Variants in PARD3B observed in about 807,000 individuals in gnomAD.
PARD3B encodes partitioning defective 3 homolog B.
Under a neutral mutation model 130.2 loss-of-function variants are expected in PARD3B, and 103 were observed. The observed-to-expected ratio is 0.79, with a 90% CI of 0.67 to 0.93. PARD3B has a LOEUF of 0.93. Ranked by LOEUF, PARD3B falls within the 40% of genes least tolerant of loss-of-function variation. The pLI is 0.00. For synonymous variants in PARD3B, 583 were observed against 553.2 expected (o/e 1.05, Z -0.76); for missense variants, 1,609 against 1,499.2 (o/e 1.07, Z -1.21).
chr2:205,147,008 G>A (rs2033415200), intron 10 of PARD3B, among the ~76,000 whole-genome samples: 2 of 152,126 alleles, frequency 1.3e-5, no homozygotes, highest in African/African-American at 4.8e-5. Flanking sequence ...GAGCCACCGT[G>A]CCTGGCCACA....
intron 18 of PARD3B, among the ~76,000 whole-genome samples, chr2:205,326,307 A>G (rs928256688): frequency 2.0e-5 from 3 of 152,218 alleles, no homozygotes. Context: ...CTTAGACACA[A>G]CTTTCTCAAC....
At chr2:205,201,233 C>T (rs1467491263) in intron 15 of PARD3B, among the ~76,000 whole-genome samples, 1 of 152,098 alleles carries the variant, frequency 6.6e-6, no homozygotes, top group Non-Finnish European at 1.5e-5. Flanking sequence ...TATTGAAAGA[C>T]TCACATATGT....
intron 2 of PARD3B, among the ~76,000 whole-genome samples, chr2:204,787,266 T>C (rs558985479): frequency 6.6e-6 from 1 of 150,436 alleles, no homozygotes; most frequent in South Asian, 2.1e-4. Context: ...GTACCTGATA[T>C]TCTGTTTCAT....
chr2:205,485,994 A>G (rs966245850), intron 20 of PARD3B, among the ~76,000 whole-genome samples: 7 of 152,108 alleles, frequency 4.6e-5, no homozygotes, highest in Non-Finnish European at 7.4e-5. Flanking sequence ...CCCCAACTAG[A>G]CTGTGAAATC....
chr2:205,245,548 G>T (rs1431903734), intron 15 of PARD3B, among the ~76,000 whole-genome samples: 1 of 152,102 alleles, frequency 6.6e-6, no homozygotes, highest in African/African-American at 2.4e-5. Flanking sequence ...ATGAGAAAAT[G>T]AAGTTATGTT....
At chr2:204,701,687 A>G (rs2125277510) in intron 2 of PARD3B, among the ~76,000 whole-genome samples, 1 of 152,334 alleles carries the variant, frequency 6.6e-6, no homozygotes, top group Admixed American at 6.5e-5. Flanking sequence ...GAATGAAAAG[A>G]AAGTATTTAA....
chr2:204,827,362 G>A (rs555197645), intron 2 of PARD3B, among the ~76,000 whole-genome samples: 3 of 152,066 alleles, frequency 2.0e-5, no homozygotes, highest in Non-Finnish European at 2.9e-5. Flanking sequence ...ACAGAGGTGA[G>A]GATTTGTTCA....
chr2:205,064,400 A>G (rs539350790), intron 4 of PARD3B, among the ~76,000 whole-genome samples: 4 of 152,282 alleles, frequency 2.6e-5, no homozygotes, highest in Non-Finnish European at 5.9e-5. Flanking sequence ...TTGGGGAGAC[A>G]TGCGTGGCTG....
At position 205,265,703 on chromosome 2, in the gene PARD3B, T is replaced by G. The variant is rs1358501722; in HGVS notation, c.2185+19881T>G. On this transcript the variant is annotated intron_variant, in intron 16 of 22. Coordinates refer to ENST00000406610, the MANE Select transcript of PARD3B (RefSeq NM_001302769.2). This position sits in a 1 kb window ranked among gnomAD's most constrained non-coding sequence, Gnocchi z 4.3. ...AAGAGAGATATCTTAATTTTTAAAT[T>G]AATATTCAGTGCTCTTTTTAACACG... Among the ~76,000 whole-genome samples, 2 of 152,056 alleles carry G rather than the reference T, an allele frequency of 1.3e-5. No homozygotes were observed. The highest frequency in any genetic ancestry group is 4.8e-5 in the African/African-American group (2 of 41,450).
At chr2:205,476,548 T>A (rs1199543481) in intron 20 of PARD3B, among the ~76,000 whole-genome samples, 2 of 152,142 alleles carry the variant, frequency 1.3e-5, no homozygotes, top group Admixed American at 1.3e-4. Context: ...TTTGAACATG[T>A]TTTATATGCA....
chr2:204,707,534 G>A (rs1031720398), intron 2 of PARD3B, among the ~76,000 whole-genome samples: 3 of 152,024 alleles, frequency 2.0e-5, no homozygotes, highest in African/African-American at 7.3e-5. Context: ...GTAGATGATG[G>A]ATAACTAAAT....
intron 3 of PARD3B, among the ~76,000 whole-genome samples, chr2:205,007,794 T>A (rs1429307173): frequency 6.6e-6 from 1 of 152,222 alleles, no homozygotes; most frequent in East Asian, 1.9e-4. Context: ...GATCTCATTT[T>A]TACCATATTG....
intron 3 of PARD3B, among the ~76,000 whole-genome samples, chr2:204,989,592 C>T (rs1693473053): frequency 6.6e-6 from 1 of 152,098 alleles, no homozygotes; most frequent in Admixed American, 6.5e-5. Flanking sequence ...ATCTATTTCA[C>T]TTTTCTGTGG....
chr2:204,841,170 G>A (rs1001392863), intron 2 of PARD3B, among the ~76,000 whole-genome samples: 1 of 152,024 alleles, frequency 6.6e-6, no homozygotes, highest in African/African-American at 2.4e-5. Flanking sequence ...CTTCTTATCT[G>A]TTTGTACTTG....
intron 2 of PARD3B, among the ~76,000 whole-genome samples, chr2:204,765,901 T>G (rs2041123313): frequency 6.6e-6 from 1 of 152,196 alleles, no homozygotes; most frequent in African/African-American, 2.4e-5. Context: ...CCCATCGAAC[T>G]TGCCTAGCTA....
At chr2:205,179,952 C>T (rs754465835) in intron 13 of PARD3B, among the ~76,000 whole-genome samples, 13 of 152,062 alleles carry the variant, frequency 8.5e-5, no homozygotes, top group Non-Finnish European at 1.8e-4. Context: ...TGTATATCTT[C>T]TGTACAAATA....
At chr2:205,137,574 A>G (rs535564988) in intron 10 of PARD3B, among the ~76,000 whole-genome samples, 21 of 152,332 alleles carry the variant, frequency 1.4e-4, no homozygotes, top group Non-Finnish European at 2.2e-4. Context: ...CCACCACTTT[A>G]AGAGTTAAAA....
chr2:205,605,068 G>A (rs1347863196), intron 22 of PARD3B, among the ~76,000 whole-genome samples: 2 of 152,138 alleles, frequency 1.3e-5, no homozygotes, highest in Non-Finnish European at 2.9e-5. Context: ...GGGCATTTTT[G>A]TTCATCTCTA....
intron 2 of PARD3B, among the ~76,000 whole-genome samples, chr2:204,696,659 A>AGC: frequency 6.6e-6 from 1 of 152,248 alleles, no homozygotes; most frequent in African/African-American, 2.4e-5. Context: ...TTTAAGTTGT[A>AGC]GCGTTTGAAA....
Sources: allele counts gnomAD v4.1 joint callset (sites outside exome capture counted in the v4.1 genomes callset), GRCh38; gene constraint gnomAD v4.1.1; non-coding constraint Gnocchi (gnomAD v3.1); transcripts MANE v1.5; gene names NCBI Gene and HGNC (gene_info 2026-07-23, HGNC 2026-07-21).